The following WDR72 variants were observed in gnomAD, a reference collection of about 807,000 sequenced individuals.
The protein encoded by WDR72 is WD repeat domain 72.
WDR72 carries 120 observed loss-of-function variants against 124.2 expected under a neutral mutation model. The observed-to-expected ratio is 0.97, with a 90% CI of 0.83 to 1.12. WDR72 has a LOEUF of 1.12. Ranked by LOEUF, WDR72 falls within the 50% of genes most tolerant of loss-of-function variation. The pLI is 0.00. For synonymous variants in WDR72, 452 were observed against 441.7 expected (o/e 1.02, Z -0.29); for missense variants, 1,387 against 1,278.8 (o/e 1.08, Z -1.29).
chr15:53,646,515 T>A (rs932951514), intron 14 of WDR72, among the ~76,000 whole-genome samples: 2 of 151,902 alleles, frequency 1.3e-5, no homozygotes, highest in African/African-American at 2.4e-5. Flanking sequence ...AGAAAAGAAA[T>A]AAGGTAAACA....
At chr15:53,742,983 T>C (rs2018548576) in intron 1 of WDR72, among the ~76,000 whole-genome samples, 1 of 152,118 alleles carries the variant, frequency 6.6e-6, no homozygotes, top group Non-Finnish European at 1.5e-5. Context: ...TCTCAAATAA[T>C]TCCTACACAA....
At chr15:53,612,558 T>G (rs1371894947) in intron 16 of WDR72, among the ~76,000 whole-genome samples, 1 of 151,612 alleles carries the variant, frequency 6.6e-6, no homozygotes, top group Non-Finnish European at 1.5e-5. Context: ...CTTGTCATGC[T>G]TGGGTAAGAG....
chr15:53,714,013 C>A (rs1384829355), intron 6 of WDR72, among the ~76,000 whole-genome samples: 3 of 152,094 alleles, frequency 2.0e-5, no homozygotes, highest in African/African-American at 7.2e-5. Flanking sequence ...AACTTGTAGC[C>A]TGATGCCAGT....
intron 1 of WDR72, among the ~76,000 whole-genome samples, chr15:53,739,380 A>C (rs535032145): frequency 1.3e-5 from 2 of 152,318 alleles, no homozygotes; most frequent in South Asian, 2.1e-4. Flanking sequence ...CAGTCCTCTA[A>C]GGCCCGGACA....
chr15:53,683,836 A>C (rs74015886), intron 13 of WDR72, among the ~76,000 whole-genome samples: 2,138 of 152,188 alleles, frequency 0.014, 60 homozygotes, highest in African/African-American at 0.049. Context: ...CTGGCAAATA[A>C]AATAGCAGAT....
At position 53,615,891 on chromosome 15, in the gene WDR72, A is replaced by C; in HGVS notation, c.2315T>G (p.Met772Arg). 1 of 1,613,324 alleles carries C rather than the reference A, an allele frequency of 6.2e-7. No individual in the cohort carries two copies. The highest frequency in any genetic ancestry group is 8.5e-7 in the Non-Finnish European group (1 of 1,179,640). Residue 772 changes from methionine (M) to arginine (R), a missense_variant, in exon 15 of 20, where the codon ATG becomes AGG. Coordinates refer to ENST00000360509, the MANE Select transcript of WDR72 (RefSeq NM_182758.4). ...AGGCTGCATTTTTTTGGAGATCTTCATTTTCTTCTGCCTTTTAATGCCATC... is the reference window on the plus strand; with the variant it reads ...AGGCTGCATTTTTTTGGAGATCTTCCTTTTCTTCTGCCTTTTAATGCCATC... ...ENDGIKRQKKMKISKKMQPKP... is the reference protein window; with the variant it reads ...ENDGIKRQKKRKISKKMQPKP...
At chr15:53,612,662 G>C (rs1359117057) in intron 16 of WDR72, among the ~76,000 whole-genome samples, 1 of 152,058 alleles carries the variant, frequency 6.6e-6, no homozygotes, top group Non-Finnish European at 1.5e-5. Context: ...CATAGGTAGA[G>C]CAGCCAGATC....
intron 14 of WDR72, among the ~76,000 whole-genome samples, chr15:53,619,402 C>T (rs942118191): frequency 1.3e-5 from 2 of 151,686 alleles, no homozygotes; most frequent in African/African-American, 4.8e-5. Context: ...CCAAATAGGG[C>T]CCTCTTTAAA....
intron 1 of WDR72, among the ~76,000 whole-genome samples, chr15:53,748,902 T>A (rs2018708018): frequency 6.6e-6 from 1 of 152,214 alleles, no homozygotes; most frequent in Non-Finnish European, 1.5e-5. Flanking sequence ...TTTAAAAATA[T>A]TTATTATCTG....
rs561505512 is a variant in WDR72, at chr15:53,628,405, TA to T, written c.1963-12163del. The stretch of plus-strand genomic sequence containing the variant: ...AAGTGAGAGATGGCACAGATGATAT[TA>T]AAAAAAAGTTGACACCCATGTATTG... On this transcript the variant is annotated intron_variant, in intron 14 of 19. Transcript: ENST00000360509. Among the ~76,000 whole-genome samples the T allele has an allele frequency of 6.2e-4, 94 of 151,954 alleles. 2 individuals are homozygous for T. Among genetic ancestry groups the T allele is most frequent in the South Asian group, 3.3e-3 (16 of 4,820 alleles).
intron 13 of WDR72, among the ~76,000 whole-genome samples, chr15:53,696,912 G>A (rs978224863): frequency 6.6e-6 from 1 of 152,246 alleles, no homozygotes; most frequent in Non-Finnish European, 1.5e-5. Flanking sequence ...GTGTTGTAAG[G>A]CTCAAATGAG....
intron 18 of WDR72, among the ~76,000 whole-genome samples, chr15:53,588,736 C>T (rs2012349112): frequency 6.7e-6 from 1 of 149,796 alleles, no homozygotes; most frequent in Admixed American, 6.7e-5. Flanking sequence ...AATTTAGTCC[C>T]TCTATTTACC....
intron 1 of WDR72, among the ~76,000 whole-genome samples, chr15:53,754,333 A>G (rs1652707028): frequency 6.6e-6 from 1 of 152,182 alleles, no homozygotes; most frequent in African/African-American, 2.4e-5. Flanking sequence ...CATTGGGGTG[A>G]CTGCAATGCA....
At chr15:53,754,658 G>A (rs548982432) in intron 1 of WDR72, among the ~76,000 whole-genome samples, 1 of 152,092 alleles carries the variant, frequency 6.6e-6, no homozygotes, top group Non-Finnish European at 1.5e-5. Flanking sequence ...TAACTAGCAA[G>A]AAACTACCTG....
intron 1 of WDR72, among the ~76,000 whole-genome samples, chr15:53,736,023 A>G (rs773752353): frequency 1.3e-4 from 20 of 152,102 alleles, no homozygotes; most frequent in Admixed American, 3.3e-4. Flanking sequence ...TTTTCAGGAA[A>G]TTTCCCAGAA....
intron 14 of WDR72, among the ~76,000 whole-genome samples, chr15:53,659,158 TTACATTC>T (rs774608579): frequency 0.043 from 6,580 of 152,288 alleles, 219 homozygotes; most frequent in Admixed American, 0.08. Context: ...ATGAGAGGTT[TTACATTC>T]ACACATTAAG....
At chr15:53,707,640 G>T (rs1852231025) in intron 9 of WDR72, among the ~76,000 whole-genome samples, 1 of 151,984 alleles carries the variant, frequency 6.6e-6, no homozygotes, top group Non-Finnish European at 1.5e-5. Context: ...TAGAGATGGG[G>T]TTTCACCGTG....
chr15:53,515,037 ATGTGTATATATATG>A lies in WDR72; in HGVS notation c.*2648_*2661del, dbSNP rs1289978455. The A allele has an allele frequency of 6.8e-6, 1 of 146,958 alleles. No individual in the cohort carries two copies. The highest frequency in any genetic ancestry group is 1.5e-5 in the Non-Finnish European group (1 of 66,548). The allele number at this position is 146,958 out of a possible 1,614,324, so 9.1% of individuals were successfully genotyped here. A position where few individuals can be genotyped will look rare whatever the true frequency, so the allele number is the denominator to read the frequency against. On this transcript the variant is annotated 3_prime_UTR_variant, in exon 20 of 20. Transcript: ENST00000360509. ...TATATATATATATACACACATATAT[ATGTGTATATATATG>A]TGTGTATATATATACACACATATAT... is the stretch of plus-strand genomic sequence containing the variant.
At chr15:53,732,015 G>T (rs1254162347) in intron 2 of WDR72, among the ~76,000 whole-genome samples, 3 of 152,234 alleles carry the variant, frequency 2.0e-5, no homozygotes, top group South Asian at 2.1e-4. Flanking sequence ...TCACTTAGAA[G>T]TTTGTGTTTA....
Sources: allele counts gnomAD v4.1 joint callset (sites outside exome capture counted in the v4.1 genomes callset), GRCh38; gene constraint gnomAD v4.1.1; transcripts MANE v1.5; gene names NCBI Gene and HGNC (gene_info 2026-07-23, HGNC 2026-07-21).